The following TGM5 variants were observed in gnomAD, a reference collection of about 807,000 sequenced individuals.
The protein encoded by TGM5 is transglutaminase 5.
In TGM5, 69 loss-of-function variants were observed where a neutral mutation model predicts 77.2. The ratio of observed to expected loss-of-function variants is 0.89; its 90% CI spans 0.74 to 1.09. The LOEUF is 1.09. Ranked by LOEUF, TGM5 falls within the 50% of genes least tolerant of loss-of-function variation. The probability of loss-of-function intolerance (pLI) is 0.00; values close to 1 mark genes in which losing one functional copy is unlikely to be tolerated. For missense variants in TGM5, 842 were observed against 896.5 expected, an observed-to-expected ratio of 0.94 and a Z score of 0.78; for synonymous variants, 346 against 351.8, an observed-to-expected ratio of 0.98 and a Z score of 0.18.
rs756913319 is a variant in TGM5 at position 43,256,609 on chromosome 15, T to G, written c.514A>C (p.Ser172Arg). The G allele has an allele frequency of 1.9e-6, 3 of 1,614,062 alleles. No homozygotes were observed. Among genetic ancestry groups the G allele is most frequent in the Non-Finnish European group, 2.5e-6 (3 of 1,180,034 alleles). Reference protein sequence around the residue: ...MNDYGFIYQGSKNWIRPCPWN... With the variant: ...MNDYGFIYQGRKNWIRPCPWN... ...GGACATGGGCGGATCCAGTTCTTGCTGCCTTGGTAGATGAAGCCATAATCA... is the reference window on the plus strand; with the variant it reads ...GGACATGGGCGGATCCAGTTCTTGCGGCCTTGGTAGATGAAGCCATAATCA... Residue 172 changes from serine to arginine, a missense_variant, in exon 4 of 13, where the codon AGC becomes CGC. Ser to Arg is a moderately radical substitution (Grantham distance 110). This residue lies in a region of TGM5 where 815 missense variants were observed against 844.6 expected (regional missense o/e 0.96). Coordinates refer to ENST00000220420, the MANE Select transcript of TGM5 (RefSeq NM_201631.4).
At chr15:43,254,242 G>A (rs149868964) in intron 4 of TGM5, among the ~76,000 whole-genome samples, 35 of 152,310 alleles carry the variant, frequency 2.3e-4, no homozygotes, top group African/African-American at 8.4e-4. Context: ...ACAGCCCTGG[G>A]TATGTGCCCT....
At position 43,260,196 on chromosome 15, in the gene TGM5, T is replaced by G; in HGVS notation, c.292A>C (p.Thr98Pro). 1 of 1,613,904 alleles carries G rather than the reference T, an allele frequency of 6.2e-7. No homozygotes were observed. The highest frequency in any genetic ancestry group is 8.5e-7 in the Non-Finnish European group (1 of 1,180,010). The change falls in exon 3 of 13, where the codon ACC becomes CCC. Residue 98 changes from threonine to proline, a missense_variant. Coordinates refer to ENST00000220420, the MANE Select transcript of TGM5 (RefSeq NM_201631.4). ...WIAWLETNGA[T>P]STEVSLCAPP... ...GCGCACAAGCTCACCTCTGTGGAGG[T>G]GGCCCCATTGGTCTCCAGCCAGGCA...
At chr15:43,257,409 A>G (rs990696110) in intron 3 of TGM5, among the ~76,000 whole-genome samples, 2 of 152,240 alleles carry the variant, frequency 1.3e-5, no homozygotes, top group African/African-American at 2.4e-5. Flanking sequence ...ATTTTTATAC[A>G]TATACACATA....
At chr15:43,247,305 T>G (rs1248557486) in intron 6 of TGM5, among the ~76,000 whole-genome samples, 6 of 151,718 alleles carry the variant, frequency 4.0e-5, no homozygotes, top group Non-Finnish European at 7.4e-5. Flanking sequence ...TGGGCAAGCA[T>G]GCAAAGAAAC....
At chr15:43,261,968 C>T (rs775437247) in intron 1 of TGM5, among the ~76,000 whole-genome samples, 6 of 152,208 alleles carry the variant, frequency 3.9e-5, no homozygotes, top group African/African-American at 7.2e-5. Flanking sequence ...CTTGACACAG[C>T]TCTTCATACT....
In TGM5 at chr15:43,234,848, A is replaced by G. The variant is rs1258081365; in HGVS notation, c.1796T>C (p.Leu599Pro). 6.2e-7 allele frequency: 1 copy of G among 1,614,228 alleles called. No individual in the cohort carries two copies. Among genetic ancestry groups the G allele is most frequent in the Non-Finnish European group, 8.5e-7 (1 of 1,180,040 alleles). ...STDKLIRISALGEEKSSPEKI... is the reference protein window; with the variant it reads ...STDKLIRISAPGEEKSSPEKI... ...CTCAGGACTGCTTTTCTCTTCACCC[A>G]GGGCACTGATGCGGATCAGCTTGTC... Residue 599 changes from leucine to proline, a missense_variant, in exon 11 of 13, where the codon CTG becomes CCG. Physicochemically the swap from Leu to Pro is moderately conservative, Grantham distance 98 (BLOSUM62 -3). Coordinates refer to ENST00000220420, the MANE Select transcript of TGM5 (RefSeq NM_201631.4).
intron 1 of TGM5, among the ~76,000 whole-genome samples, chr15:43,264,658 T>C (rs1193702830): frequency 6.6e-6 from 1 of 152,170 alleles, no homozygotes; most frequent in Non-Finnish European, 1.5e-5. Context: ...GGATTTCTTT[T>C]TGAGGTAATG....
intron 1 of TGM5, among the ~76,000 whole-genome samples, chr15:43,261,709 T>G (rs921131313): frequency 6.6e-6 from 1 of 152,212 alleles, no homozygotes; most frequent in Non-Finnish European, 1.5e-5. Context: ...ACTCTCTTCA[T>G]GCCTTCCATT....
intron 4 of TGM5, 48 bp from the exon 5 acceptor site, chr15:43,253,682 G>A: frequency 1.9e-6 from 3 of 1,605,246 alleles, no homozygotes; most frequent in Non-Finnish European, 2.5e-6. Context: ...TTGTCACGTG[G>A]GAGTATGTAA....
Position 43,245,907 on chromosome 15 carries a change from G to T in TGM5, c.863-4917C>A, listed in dbSNP as rs139356870. On this transcript the variant is annotated intron_variant, in intron 6 of 12. Coordinates refer to ENST00000220420, the MANE Select transcript of TGM5 (RefSeq NM_201631.4). ...TATCTGTGTGTGTGTGTTGGGGGGG[G>T]GGGTCTTAAATGGCAAAAAAGGCCC... 1.0e-3 allele frequency among the ~76,000 whole-genome samples: 154 copies of T among 147,768 alleles called. 2 individuals are homozygous for T. The East Asian group carries it at 0.029, about 28-fold the overall frequency.
rs375024044 is a variant in TGM5, at chr15:43,233,295, C to G, written c.2059G>C (p.Val687Leu). 1 of 1,614,114 alleles carries G rather than the reference C, an allele frequency of 6.2e-7. No homozygotes were observed. The highest frequency in any genetic ancestry group is 8.5e-7 in the Non-Finnish European group (1 of 1,180,036). ...TGCCTTTGTCCACTCTTGAAGGGGACGGTCTCCAGAATGATGCTTGCTTGG... is the reference window on the plus strand; with the variant it reads ...TGCCTTTGTCCACTCTTGAAGGGGAGGGTCTCCAGAATGATGCTTGCTTGG... ...QHQASIILETVPFKSGQRQIQ... is the reference protein window; with the variant it reads ...QHQASIILETLPFKSGQRQIQ... Residue 687 changes from valine (V) to leucine (L), a missense_variant, in exon 13 of 13, where the codon GTC becomes CTC. Physicochemically the swap from Val to Leu is conservative, Grantham distance 32. This residue lies in a region of TGM5 where 27 missense variants were observed against 51.8 expected (regional missense o/e 0.52). Coordinates refer to ENST00000220420, the MANE Select transcript of TGM5 (RefSeq NM_201631.4).
At chr15:43,235,911 C>G (rs2042587108) in intron 9 of TGM5, 74 bp from the exon 10 acceptor site, 4 of 1,594,350 alleles carry the variant, frequency 2.5e-6, no homozygotes, top group Admixed American at 1.7e-5. Context: ...GCGCCATCCC[C>G]CACCCAATAT....
chr15:43,241,242 C>A, intron 6 of TGM5: 1 of 548,458 alleles, frequency 1.8e-6, no homozygotes, highest in Non-Finnish European at 3.3e-6. Context: ...TAAAGTCTAG[C>A]AAGCTGTGAG....
Position 43,260,581 on chromosome 15 carries a change from T to G in TGM5, c.11-2A>C, listed in dbSNP as rs745839368. On this transcript the variant is annotated splice_acceptor_variant, in intron 1 of 12. Transcript: ENST00000220420. LOFTEE classifies it high-confidence loss of function. ...GGTCTGTGAGGGCCACTTCTAGCCCTGCAATGGGGCAGCCAGGGTTAGACA... is the reference window on the plus strand; with the variant it reads ...GGTCTGTGAGGGCCACTTCTAGCCCGGCAATGGGGCAGCCAGGGTTAGACA... The G allele has an allele frequency of 6.2e-7, 1 of 1,614,092 alleles. No homozygotes were observed. The highest frequency in any genetic ancestry group is 8.5e-7 in the Non-Finnish European group (1 of 1,179,966).
intron 6 of TGM5, among the ~76,000 whole-genome samples, chr15:43,244,534 AG>A (rs1284520440): frequency 6.6e-5 from 10 of 152,350 alleles, no homozygotes; most frequent in Middle Eastern, 3.4e-3. Flanking sequence ...AACTGGGCAA[AG>A]GTGAACGAGA....
intron 7 of TGM5, chr15:43,239,509 T>G (rs1475099293): frequency 7.4e-6 from 4 of 538,536 alleles, no homozygotes; most frequent in Non-Finnish European, 1.0e-5. Flanking sequence ...AAGGAAGATC[T>G]CGTCTCAAAA....
chr15:43,246,454 T>C (rs1342292649), intron 6 of TGM5, among the ~76,000 whole-genome samples: 1 of 152,218 alleles, frequency 6.6e-6, no homozygotes, highest in Non-Finnish European at 1.5e-5. Context: ...CTTGATATTA[T>C]GTGAGCAGGA....
chr15:43,246,856 C>T (rs1410867182), intron 6 of TGM5, among the ~76,000 whole-genome samples: 1 of 152,132 alleles, frequency 6.6e-6, no homozygotes, highest in African/African-American at 2.4e-5. Context: ...TAAGAGTCTT[C>T]AGAAGAGGCA....
intron 3 of TGM5, among the ~76,000 whole-genome samples, chr15:43,257,737 C>T (rs2042752658): frequency 6.6e-6 from 1 of 152,116 alleles, no homozygotes; most frequent in Non-Finnish European, 1.5e-5. Flanking sequence ...GGCATATACC[C>T]AAAGGATTAT....
Sources: allele counts gnomAD v4.1 joint callset (sites outside exome capture counted in the v4.1 genomes callset), GRCh38; gene constraint gnomAD v4.1.1; regional missense constraint gnomAD v4.1.1; transcripts MANE v1.5; gene names NCBI Gene and HGNC (gene_info 2026-07-23, HGNC 2026-07-21).